EIF2AK2: variants seen among roughly 807,000 people sequenced by gnomAD.
EIF2AK2 encodes the protein eukaryotic translation initiation factor 2 alpha kinase 2, also known as interferon-induced, double-stranded RNA-activated protein kinase.
A neutral mutation model predicts 70.5 loss-of-function variants in EIF2AK2; 40 were observed. The ratio of observed to expected loss-of-function variants is 0.57; its 90% CI spans 0.44 to 0.74. The LOEUF is 0.74. Ranked by LOEUF, EIF2AK2 falls within the 30% of genes least tolerant of loss-of-function variation. EIF2AK2 has a pLI of 0.00. For synonymous variants in EIF2AK2, 198 were observed against 220.9 expected (o/e 0.90, Z 0.92); for missense variants, 555 against 644.3 (o/e 0.86, Z 1.50).
chr2:37,141,306 C>T (rs1448357890), intron 5 of EIF2AK2, among the ~76,000 whole-genome samples: 1 of 152,148 alleles, frequency 6.6e-6, no homozygotes, highest in Non-Finnish European at 1.5e-5. Context: ...ACAGACTAAA[C>T]CATCCAGCTA....
intron 12 of EIF2AK2, among the ~76,000 whole-genome samples, 154 bp from the exon 13 acceptor site, chr2:37,120,293 G>A (rs532394382): frequency 4.6e-5 from 7 of 151,394 alleles, no homozygotes; most frequent in South Asian, 2.1e-4. Context: ...CGAGGCGGGC[G>A]GATCACGAGG....
At position 37,126,300 on chromosome 2, in the gene EIF2AK2, T is replaced by C. The variant is rs201915565; in HGVS notation, c.897A>G (p.Lys299=). ...DGKTYVIKRV[K]YNNEKAEREV... is the part of the protein sequence containing the mutation. The stretch of plus-strand genomic sequence containing the variant: ...CATTTACTACTTACTCGTTATTATA[T>C]TTAACACGTTTAATAACGTAAGTCT... The change falls in exon 11 of 17, where the codon AAA becomes AAG. Residue 299 remains lysine (K), a synonymous_variant. Coordinates refer to ENST00000233057, the MANE Select transcript of EIF2AK2 (RefSeq NM_001135651.3). 5.1e-5 allele frequency: 82 copies of C among 1,601,060 alleles called. No individual in the cohort carries two copies. The highest frequency in any genetic ancestry group is 6.6e-5 in the Non-Finnish European group (78 of 1,174,422).
chr2:37,126,251 C>A (rs990616014), intron 11 of EIF2AK2, 38 bp downstream of exon 11: 12 of 1,550,040 alleles, frequency 7.7e-6, no homozygotes, highest in Middle Eastern at 2.0e-4. Context: ...ATTCAGCGTA[C>A]CTTGCCATTC....
At position 37,103,003 on chromosome 2, in the gene EIF2AK2, C is replaced by CTGTA. The variant is rs1673863924; in HGVS notation, c.*4269_*4270insTACA. ...TATATTAAAATGGCTCTCAAAATTT[C>CTGTA]TGTGTGTGTGTGTGTGTGTGTGCAT... On this transcript the variant is annotated 3_prime_UTR_variant, in exon 17 of 17. Coordinates refer to ENST00000233057, the MANE Select transcript of EIF2AK2 (RefSeq NM_001135651.3). 1 of 149,152 alleles carries CTGTA rather than the reference C, an allele frequency of 6.7e-6. No homozygotes were observed. Among genetic ancestry groups the CTGTA allele is most frequent in the Non-Finnish European group, 1.5e-5 (1 of 67,278 alleles). 9.2% of individuals were successfully genotyped at this position (149,152 alleles called of 1,614,324 possible). A position where few individuals can be genotyped will look rare whatever the true frequency, so the allele number is the denominator to read the frequency against.
At chr2:37,137,670 G>A (rs916552387) in intron 8 of EIF2AK2, among the ~76,000 whole-genome samples, 14 of 152,068 alleles carry the variant, frequency 9.2e-5, no homozygotes, top group African/African-American at 3.1e-4. Flanking sequence ...AAACAGAAAC[G>A]AACTATATTA....
chr2:37,146,775 G>C, intron 4 of EIF2AK2, 78 bp downstream of exon 4: 2 of 1,552,330 alleles, frequency 1.3e-6, no homozygotes, highest in Non-Finnish European at 1.7e-6. Context: ...TACTCTGTAT[G>C]AAAGTATTTT....
chr2:37,119,901 T>C (rs967384299), intron 13 of EIF2AK2, 58 bp downstream of exon 13: 58 of 1,000,532 alleles, frequency 5.8e-5, no homozygotes, highest in Non-Finnish European at 7.2e-5. Flanking sequence ...TGAGAAGATA[T>C]ATTTTAAAAT....
intron 4 of EIF2AK2, among the ~76,000 whole-genome samples, chr2:37,146,092 G>A (rs1223753455): frequency 6.6e-6 from 1 of 151,960 alleles, no homozygotes; most frequent in Non-Finnish European, 1.5e-5. Context: ...TACTTTTTCT[G>A]TGTTTAGATA....
At position 37,148,939 on chromosome 2, in the gene EIF2AK2, C is replaced by T. The variant is rs928413582; in HGVS notation, c.-99G>A. ...TTCTGAAGACCGCCAGAGAAGCAAA[C>T]CTGAGTCAGATGGAAGAACTGCTAA... On this transcript the variant is annotated 5_prime_UTR_variant, in exon 2 of 17. Coordinates refer to ENST00000233057, the MANE Select transcript of EIF2AK2 (RefSeq NM_001135651.3). 17 of 822,850 alleles carry T rather than the reference C, an allele frequency of 2.1e-5. No homozygotes were observed. Among genetic ancestry groups the T allele is most frequent in the Non-Finnish European group, 3.7e-5 (17 of 457,532 alleles). The allele number at this position is 822,850 out of a possible 1,614,324, so 51.0% of individuals were successfully genotyped here.
At chr2:37,114,634 C>A in intron 14 of EIF2AK2, 97 bp downstream of exon 14, 1 of 1,161,226 alleles carries the variant, frequency 8.6e-7, no homozygotes, top group South Asian at 2.8e-5. Flanking sequence ...TTAGTATATA[C>A]TTCTGTACAG....
At position 37,121,243 on chromosome 2, in the gene EIF2AK2, A is replaced by G. The variant is rs183939571; in HGVS notation, c.1068-1104T>C. 8.7e-4 allele frequency among the ~76,000 whole-genome samples: 113 copies of G among 130,406 alleles called. 1 individual carries two copies. The East Asian group carries it at 0.02, about 23-fold the overall frequency. 85.6% of individuals were successfully genotyped at this position (130,406 alleles called of 152,430 possible). ...GCACCACTGCACTCCAGCCTGTGCGACAGTGCGAGACACCGTCTCAAAAAA... is the reference window on the plus strand; with the variant it reads ...GCACCACTGCACTCCAGCCTGTGCGGCAGTGCGAGACACCGTCTCAAAAAA... On this transcript the variant is annotated intron_variant, in intron 12 of 16. Transcript: ENST00000233057.
chr2:37,130,641 C>T (rs1241898276), intron 10 of EIF2AK2, among the ~76,000 whole-genome samples: 7 of 152,164 alleles, frequency 4.6e-5, no homozygotes, highest in African/African-American at 1.7e-4. Context: ...TATCTTCCTC[C>T]TCTCAAAACC....
At chr2:37,148,299 A>G (rs1300410082) in intron 2 of EIF2AK2, among the ~76,000 whole-genome samples, 1 of 152,234 alleles carries the variant, frequency 6.6e-6, no homozygotes, top group African/African-American at 2.4e-5. Context: ...AAAAGGCTGC[A>G]GGATTGTAGA....
At chr2:37,114,471 C>G (rs979217981) in intron 14 of EIF2AK2, among the ~76,000 whole-genome samples, 8 of 151,680 alleles carry the variant, frequency 5.3e-5, no homozygotes, top group Non-Finnish European at 8.8e-5. Context: ...AAAATAAGTC[C>G]TTGAAAAAAT....
chr2:37,148,749 G>A, intron 2 of EIF2AK2, 108 bp downstream of exon 2: 2 of 837,624 alleles, frequency 2.4e-6, no homozygotes, highest in East Asian at 2.5e-5. Context: ...CAGAAGTCGT[G>A]TTGTGACCCA....
chr2:37,130,017 G>A (rs895564766), intron 10 of EIF2AK2, among the ~76,000 whole-genome samples: 1 of 152,212 alleles, frequency 6.6e-6, no homozygotes, highest in Non-Finnish European at 1.5e-5. Context: ...GATCCTAAAT[G>A]TCAAATAGTG....
In EIF2AK2 at chr2:37,120,526, GA is replaced by G. The variant is rs1171358440; in HGVS notation, c.1068-388del. 1.4e-3 allele frequency among the ~76,000 whole-genome samples: 52 copies of G among 35,988 alleles called. 2 individuals carry two copies. Among genetic ancestry groups the G allele is most frequent in the African/African-American group, 4.9e-3 (52 of 10,632 alleles). 23.6% of individuals were successfully genotyped at this position (35,988 alleles called of 152,430 possible). On this transcript the variant is annotated intron_variant, in intron 12 of 16. Coordinates refer to ENST00000233057, the MANE Select transcript of EIF2AK2 (RefSeq NM_001135651.3). ...CGTCTCACAAAAAAAAAAAAAAAAA[GA>G]AAAAAAAAGAACCCCAAAACATGTC...
At chr2:37,130,247 G>A (rs2148689807) in intron 10 of EIF2AK2, among the ~76,000 whole-genome samples, 1 of 152,204 alleles carries the variant, frequency 6.6e-6, no homozygotes, top group South Asian at 2.1e-4. Context: ...GACTATAGGT[G>A]TGTGCCACCA....
chr2:37,151,550 C>G (rs191351684), intron 1 of EIF2AK2, among the ~76,000 whole-genome samples: 2 of 152,240 alleles, frequency 1.3e-5, no homozygotes, highest in African/African-American at 4.8e-5. Context: ...AGAAGGTAAA[C>G]TTTGAATTAT....
Sources: allele counts gnomAD v4.1 joint callset (sites outside exome capture counted in the v4.1 genomes callset), GRCh38; gene constraint gnomAD v4.1.1; transcripts MANE v1.5; gene names NCBI Gene and HGNC (gene_info 2026-07-23, HGNC 2026-07-21).